KRCC1: variants seen among roughly 807,000 people sequenced by gnomAD.
KRCC1 encodes the protein lysine rich coiled-coil 1.
A neutral mutation model predicts 7.4 loss-of-function variants in KRCC1; 3 were observed. That is an observed-to-expected ratio of 0.40 (90% CI 0.18 to 1.04). The LOEUF (loss-of-function observed/expected upper bound fraction) is 1.04, where lower values mean the gene tolerates loss of function less well. Ranked by LOEUF, KRCC1 falls within the 50% of genes least tolerant of loss-of-function variation. KRCC1 has a pLI of 0.33. For missense variants in KRCC1, 277 were observed against 300.9 expected, an observed-to-expected ratio of 0.92 and a Z score of 0.59; for synonymous variants, 102 against 101.6, an observed-to-expected ratio of 1.00 and a Z score of -0.02.
rs1340211338 is a variant in KRCC1 at position 88,028,517 on chromosome 2, TC to T, written c.46del (p.Glu16LysfsTer12). 1 of 1,613,062 alleles carries T rather than the reference TC, an allele frequency of 6.2e-7. No individual in the cohort carries two copies. The highest frequency in any genetic ancestry group is 8.5e-7 in the Non-Finnish European group (1 of 1,179,630). On this transcript the variant is annotated frameshift_variant, in exon 4 of 4. Coordinates refer to ENST00000347055, the MANE Select transcript of KRCC1 (RefSeq NM_016618.3). LOFTEE classifies it low-confidence loss of function (END_TRUNC). The part of the protein sequence containing the change: ...KTYDSFQDEL[E>X]DYIKVQKARG... ...GGCTTTCTGTACTTTAATATAATCT[TC>T]AAGTTCATCTTGAAAAGAGTCATAT...
chr2:88,051,088 T>G (rs1673472353), intron 1 of KRCC1, among the ~76,000 whole-genome samples: 1 of 150,782 alleles, frequency 6.6e-6, no homozygotes, highest in Middle Eastern at 3.4e-3. Flanking sequence ...CATGCCTGGC[T>G]AATTTTTATT....
intron 1 of KRCC1, among the ~76,000 whole-genome samples, chr2:88,039,187 G>A (rs951618375): frequency 6.6e-6 from 1 of 152,110 alleles, no homozygotes; most frequent in African/African-American, 2.4e-5. Flanking sequence ...ATTGCTCTTT[G>A]TACATCTCTG....
intron 1 of KRCC1, among the ~76,000 whole-genome samples, chr2:88,051,072 C>A (rs1359200369): frequency 6.6e-6 from 1 of 151,640 alleles, no homozygotes; most frequent in African/African-American, 2.4e-5. Flanking sequence ...TACAAGCATG[C>A]GGGGCCATGC....
chr2:88,051,748 AG>A (rs542728862), intron 1 of KRCC1, among the ~76,000 whole-genome samples: 128 of 152,356 alleles, frequency 8.4e-4, no homozygotes, highest in African/African-American at 2.9e-3. Flanking sequence ...CAGCCATTAT[AG>A]GTCAAAGTTT....
intron 1 of KRCC1, among the ~76,000 whole-genome samples, chr2:88,054,018 C>A (rs1249334761): frequency 6.6e-6 from 1 of 152,212 alleles, no homozygotes; most frequent in Non-Finnish European, 1.5e-5. Context: ...CAAGCACTAT[C>A]AACTAAAATC....
intron 1 of KRCC1, among the ~76,000 whole-genome samples, chr2:88,051,001 G>A (rs577244945): frequency 6.7e-5 from 10 of 149,490 alleles, no homozygotes; most frequent in South Asian, 2.1e-4. Flanking sequence ...ACAGCTCACC[G>A]TAGCCTCGAC....
intron 1 of KRCC1, among the ~76,000 whole-genome samples, chr2:88,038,878 T>C (rs2104613241): frequency 6.6e-6 from 1 of 152,268 alleles, no homozygotes; most frequent in Middle Eastern, 3.4e-3. Flanking sequence ...CTCCTTGACA[T>C]GTGGAGATTA....
Position 88,028,400 on chromosome 2 carries a change from G to T in KRCC1, c.164C>A (p.Thr55Lys). The T allele has an allele frequency of 3.1e-6, 5 of 1,614,066 alleles. No individual in the cohort carries two copies. Among genetic ancestry groups the T allele is most frequent in the Non-Finnish European group, 4.2e-6 (5 of 1,180,004 alleles). ...GYKGEVNSRPTYRMFDQRLPS... is the reference protein window; with the variant it reads ...GYKGEVNSRPKYRMFDQRLPS... ...GAGTCTCTGGTCAAACATTCTATAC[G>T]TGGGTCTGGAATTAACCTCTCCTTT... Residue 55 changes from threonine (T) to lysine (K), a missense_variant, in exon 4 of 4, where the codon ACG becomes AAG. Thr to Lys is a moderately conservative substitution (Grantham distance 78). Transcript: ENST00000347055.
At chr2:88,035,378 T>C (rs1288866338) in intron 2 of KRCC1, among the ~76,000 whole-genome samples, 1 of 152,168 alleles carries the variant, frequency 6.6e-6, no homozygotes, top group Admixed American at 6.5e-5. Flanking sequence ...AGCTGAAGTG[T>C]TGTGTAGGAT....
chr2:88,032,855 C>T (rs561291431), intron 3 of KRCC1, among the ~76,000 whole-genome samples: 19 of 152,278 alleles, frequency 1.2e-4, no homozygotes, highest in African/African-American at 4.6e-4. Flanking sequence ...AATCCCAGCA[C>T]TTTGGGAGGC....
intron 2 of KRCC1, among the ~76,000 whole-genome samples, chr2:88,034,568 G>T (rs1390403592): frequency 1.3e-5 from 2 of 151,960 alleles, no homozygotes. Context: ...ATATAGTGTG[G>T]AATAATCAAA....
At chr2:88,033,867 C>A (rs1185146127) in intron 3 of KRCC1, among the ~76,000 whole-genome samples, 3 of 152,078 alleles carry the variant, frequency 2.0e-5, no homozygotes, top group Non-Finnish European at 4.4e-5. Flanking sequence ...TATGTCCATG[C>A]AAGAAGTTGT....
At chr2:88,054,787 G>C (rs1412510484) in intron 1 of KRCC1, among the ~76,000 whole-genome samples, 1 of 152,192 alleles carries the variant, frequency 6.6e-6, no homozygotes, top group Non-Finnish European at 1.5e-5. Context: ...CCAGCTTCGT[G>C]TATCTCTGAC....
At chr2:88,037,893 ACG>A (rs1673125177) in intron 1 of KRCC1, among the ~76,000 whole-genome samples, 1 of 152,234 alleles carries the variant, frequency 6.6e-6, no homozygotes, top group Non-Finnish European at 1.5e-5. Flanking sequence ...CAAAATTACT[ACG>A]TTTACACTTG....
chr2:88,055,562 C>G (rs1050495625), intron 1 of KRCC1, 64 bp downstream of exon 1: 2 of 152,180 alleles, frequency 1.3e-5, no homozygotes, highest in African/African-American at 4.8e-5. Flanking sequence ...CGAGGCCTGT[C>G]CTGGAGCGCA....
At chr2:88,043,213 T>C (rs1182262845) in intron 1 of KRCC1, among the ~76,000 whole-genome samples, 1 of 152,222 alleles carries the variant, frequency 6.6e-6, no homozygotes, top group Non-Finnish European at 1.5e-5. Context: ...TAAACTCTTG[T>C]AGTCAGGAGG....
At chr2:88,048,740 A>G (rs1376257470) in intron 1 of KRCC1, among the ~76,000 whole-genome samples, 1 of 152,234 alleles carries the variant, frequency 6.6e-6, no homozygotes, top group Non-Finnish European at 1.5e-5. Context: ...GTGAGAATGG[A>G]CATCCTTGTT....
intron 3 of KRCC1, among the ~76,000 whole-genome samples, chr2:88,033,321 G>T (rs11895395): frequency 6.6e-6 from 1 of 152,090 alleles, no homozygotes; most frequent in East Asian, 1.9e-4. Context: ...GTCAGGAGTT[G>T]GAGATCAGCC....
chr2:88,039,651 G>A (rs943768600), intron 1 of KRCC1, among the ~76,000 whole-genome samples: 2 of 152,108 alleles, frequency 1.3e-5, no homozygotes, highest in Admixed American at 1.3e-4. Flanking sequence ...TTGCGCCACT[G>A]CGTTCCAGCC....
Sources: gnomAD v4.1 joint callset for allele counts (sites outside exome capture counted in the v4.1 genomes callset) on GRCh38, gnomAD v4.1.1 for gene constraint, MANE v1.5 for transcripts, NCBI Gene and HGNC (gene_info 2026-07-23, HGNC 2026-07-21) for gene names.